BFSP2: variants seen among roughly 807,000 people sequenced by gnomAD.
BFSP2 encodes the protein phakinin.
BFSP2 carries 38 observed loss-of-function variants against 44.9 expected under a neutral mutation model. That is an observed-to-expected ratio of 0.85 (90% CI 0.65 to 1.11). The LOEUF (loss-of-function observed/expected upper bound fraction) is 1.11. Ranked by LOEUF, BFSP2 falls within the 50% of genes least tolerant of loss-of-function variation. The probability of loss-of-function intolerance (pLI) is 0.00; values close to 1 mark genes in which losing one functional copy is unlikely to be tolerated. For synonymous variants in BFSP2, 197 were observed against 209.9 expected (o/e 0.94, Z 0.53); for missense variants, 525 against 533.0 (o/e 0.99, Z 0.15).
rs1030139144 is a variant in BFSP2 at position 133,472,409 on chromosome 3, T to C, written c.1088T>C (p.Leu363Pro). Residue 363 changes from leucine (L) to proline (P), a missense_variant, in exon 6 of 7, where the codon CTG becomes CCG. Coordinates refer to ENST00000302334, the MANE Select transcript of BFSP2 (RefSeq NM_003571.4). Reference sequence around the variant, plus strand: ...TGGCATGACATGGAGCTCCAGAACCTGGGCGCTGTGGTCGGCCGGCTGGAG... The same window carrying C: ...TGGCATGACATGGAGCTCCAGAACCCGGGCGCTGTGGTCGGCCGGCTGGAG... ...KHWHDMELQNLGAVVGRLEAE... is the reference protein window; with the variant it reads ...KHWHDMELQNPGAVVGRLEAE... 4 of 1,614,122 alleles carry C rather than the reference T, an allele frequency of 2.5e-6. No homozygotes were observed. The African/African-American group carries it at 5.3e-5, about 21-fold the overall frequency.
At position 133,475,198 on chromosome 3, in the gene BFSP2, C is replaced by T. The variant is rs574253958; in HGVS notation, c.*226C>T. The T allele has an allele frequency of 3.0e-5, 19 of 635,084 alleles. No homozygotes were observed. The highest frequency in any genetic ancestry group is 1.3e-4 in the African/African-American group (7 of 54,646). The allele number at this position is 635,084 out of a possible 1,614,324, so 39.3% of individuals were successfully genotyped here. A position where few individuals can be genotyped will look rare whatever the true frequency, so the allele number is the denominator to read the frequency against. On this transcript the variant is annotated 3_prime_UTR_variant, in exon 7 of 7. Coordinates refer to ENST00000302334, the MANE Select transcript of BFSP2 (RefSeq NM_003571.4). ...TCCTCCTTCAAATAAATGCTTTGTG[C>T]GCAGCGTCCAGTTTGCCCACCTTGT...
intron 4 of BFSP2, among the ~76,000 whole-genome samples, chr3:133,454,978 A>G (rs1157262057): frequency 6.6e-6 from 1 of 152,178 alleles, no homozygotes; most frequent in Non-Finnish European, 1.5e-5. Context: ...CGTCAATATC[A>G]CTGTCTTCCA....
Position 133,400,174 on chromosome 3 carries a change from C to T in BFSP2, c.91C>T (p.Arg31Trp), listed in dbSNP as rs555092778. 1.2e-5 allele frequency: 19 copies of T among 1,614,118 alleles called. No homozygotes were observed. The highest frequency in any genetic ancestry group is 5.0e-5 in the Admixed American group (3 of 60,026). Residue 31 changes from arginine (R) to tryptophan (W), a missense_variant, in exon 1 of 7, where the codon CGG (arginine) becomes TGG (tryptophan). Coordinates refer to ENST00000302334, the MANE Select transcript of BFSP2 (RefSeq NM_003571.4). The surrounding 1 kb of genome is among the most constrained non-coding windows in gnomAD (Gnocchi z 4.0). ...GCGCAGGGCGTCCTTCAGGGGGCCA[C>T]GGTCATCATCCTCCCTGGAGAGCCC... The part of the protein sequence containing the change: ...QRRRASFRGP[R>W]SSSSLESPPA...
At chr3:133,463,689 A>G (rs969859146) in intron 4 of BFSP2, among the ~76,000 whole-genome samples, 2 of 152,200 alleles carry the variant, frequency 1.3e-5, no homozygotes, top group African/African-American at 4.8e-5. Context: ...CTGAGATCTT[A>G]TCAGGAAGTT....
At chr3:133,409,130 A>C (rs886705919) in intron 1 of BFSP2, among the ~76,000 whole-genome samples, 7 of 152,236 alleles carry the variant, frequency 4.6e-5, no homozygotes, top group East Asian at 1.9e-4. Context: ...TTAACTGTAC[A>C]TTCCTAGTGG....
Position 133,472,455 on chromosome 3 carries a change from A to T in BFSP2, c.1134A>T (p.Arg378=), listed in dbSNP as rs757450337. Residue 378 remains arginine, a synonymous_variant, in exon 6 of 7, where the codon CGA becomes CGT. Coordinates refer to ENST00000302334, the MANE Select transcript of BFSP2 (RefSeq NM_003571.4). ...GRLEAELREI[R]AEAEQQQQER... ...TGGAGGCGGAGCTCAGGGAAATCCG[A>T]GCGGAGGCGGAGCAGCAGCAACAGG... The T allele has an allele frequency of 6.2e-7, 1 of 1,614,020 alleles. No homozygotes were observed. The highest frequency in any genetic ancestry group is 1.7e-5 in the Admixed American group (1 of 60,016).
intron 1 of BFSP2, among the ~76,000 whole-genome samples, chr3:133,417,079 AC>A (rs2073541983): frequency 1.1e-5 from 1 of 94,196 alleles, no homozygotes; most frequent in Non-Finnish European, 2.1e-5. Context: ...TCTCCCTTCT[AC>A]TCAGCCCTGC....
chr3:133,434,459 A>AC (rs1196922461), intron 1 of BFSP2, among the ~76,000 whole-genome samples: 2 of 149,422 alleles, frequency 1.3e-5, no homozygotes, highest in Non-Finnish European at 3.0e-5. Context: ...TCTCCATACC[A>AC]CCCCCCAAAA....
chr3:133,425,034 A>T (rs1314464130), intron 1 of BFSP2, among the ~76,000 whole-genome samples: 1 of 152,218 alleles, frequency 6.6e-6, no homozygotes, highest in African/African-American at 2.4e-5. Context: ...TGTGGGTGTA[A>T]CTACTGTCAC....
chr3:133,420,278 A>T (rs1224279046), intron 1 of BFSP2, among the ~76,000 whole-genome samples: 1 of 152,212 alleles, frequency 6.6e-6, no homozygotes, highest in Non-Finnish European at 1.5e-5. Context: ...CTTGTTCTGC[A>T]TTTGATGCTG....
At chr3:133,437,076 G>C (rs1372110657) in intron 1 of BFSP2, among the ~76,000 whole-genome samples, 1 of 152,206 alleles carries the variant, frequency 6.6e-6, no homozygotes, top group Non-Finnish European at 1.5e-5. Flanking sequence ...ACGTGTGCAT[G>C]TGTCTTTATA....
chr3:133,433,415 T>TCTG (rs2073747670), intron 1 of BFSP2, among the ~76,000 whole-genome samples: 2 of 152,342 alleles, frequency 1.3e-5, no homozygotes, highest in South Asian at 4.1e-4. Context: ...CAGTGTTCCA[T>TCTG]CTGCTGTTCT....
chr3:133,467,083 C>T (rs1324822499), intron 5 of BFSP2, 124 bp downstream of exon 5: 3 of 1,334,446 alleles, frequency 2.2e-6, no homozygotes, highest in Non-Finnish European at 3.2e-6. Flanking sequence ...GTTTTGAGGC[C>T]TGAAATGTCT....
chr3:133,445,249 G>A (rs1489290268), intron 1 of BFSP2, among the ~76,000 whole-genome samples: 1 of 152,240 alleles, frequency 6.6e-6, no homozygotes, highest in Non-Finnish European at 1.5e-5. Context: ...CTCAATGGAG[G>A]CAGCAGGTGC....
chr3:133,431,651 A>C (rs576844918), intron 1 of BFSP2, among the ~76,000 whole-genome samples: 53 of 152,226 alleles, frequency 3.5e-4, no homozygotes, highest in South Asian at 2.1e-3. Context: ...GCCGAGCTTT[A>C]GGTAACTCTC....
intron 4 of BFSP2, among the ~76,000 whole-genome samples, chr3:133,465,695 T>C (rs558399871): frequency 1.2e-4 from 18 of 152,324 alleles, no homozygotes; most frequent in African/African-American, 4.1e-4. Flanking sequence ...AGAGATCAAG[T>C]TGGATAACTC....
intron 1 of BFSP2, among the ~76,000 whole-genome samples, chr3:133,435,658 G>A (rs551555567): frequency 6.6e-6 from 1 of 152,322 alleles, no homozygotes; most frequent in Non-Finnish European, 1.5e-5. Flanking sequence ...CTGAACCAAT[G>A]GATATGTTTA....
intron 1 of BFSP2, among the ~76,000 whole-genome samples, chr3:133,443,313 AC>A (rs2073863473): frequency 6.6e-6 from 1 of 152,234 alleles, no homozygotes; most frequent in Non-Finnish European, 1.5e-5. Context: ...ATTAGCACAT[AC>A]AATGCCATTT....
At chr3:133,463,999 G>A (rs1438935747) in intron 4 of BFSP2, among the ~76,000 whole-genome samples, 1 of 152,184 alleles carries the variant, frequency 6.6e-6, no homozygotes, top group South Asian at 2.1e-4. Context: ...CCCGTGAGCT[G>A]TTAGGAGCAA....
Sources: gnomAD v4.1 joint callset for allele counts (sites outside exome capture counted in the v4.1 genomes callset) on GRCh38, gnomAD v4.1.1 for gene constraint, Gnocchi (gnomAD v3.1) non-coding constraint, MANE v1.5 for transcripts, NCBI Gene and HGNC (gene_info 2026-07-23, HGNC 2026-07-21) for gene names.